The following SLC22A4 variants were observed in gnomAD, a reference collection of about 807,000 sequenced individuals.
SLC22A4 encodes solute carrier family 22 member 4.
Under a neutral mutation model 56.6 loss-of-function variants are expected in SLC22A4, and 39 were observed. The ratio of observed to expected loss-of-function variants is 0.69; its 90% CI spans 0.53 to 0.90. The LOEUF is 0.90. Ranked by LOEUF, SLC22A4 falls within the 40% of genes least tolerant of loss-of-function variation. SLC22A4 has a pLI of 0.00. For missense variants in SLC22A4, 594 were observed against 696.5 expected (o/e 0.85, Z 1.66); for synonymous variants, 241 against 281.4 (o/e 0.86, Z 1.44).
rs367688187 is a variant in SLC22A4, at chr5:132,294,469, G to C, written c.-148G>C. ...GCCTTCAGCCTGTTTCCCAGGAACGGTCCCCGGCTTCGCGCCCCAATTTCT... is the reference window on the plus strand; with the variant it reads ...GCCTTCAGCCTGTTTCCCAGGAACGCTCCCCGGCTTCGCGCCCCAATTTCT... On this transcript the variant is annotated 5_prime_UTR_variant, in exon 1 of 10. Transcript: ENST00000200652. The surrounding 1 kb of genome is among the most constrained non-coding windows in gnomAD (Gnocchi z 5.6). 48 of 1,111,006 alleles carry C rather than the reference G, an allele frequency of 4.3e-5. No individual in the cohort carries two copies. The highest frequency in any genetic ancestry group is 3.6e-4 in the East Asian group (14 of 39,292). The allele number at this position is 1,111,006 out of a possible 1,614,324, so 68.8% of individuals were successfully genotyped here. A position where few individuals can be genotyped will look rare whatever the true frequency, so the allele number is the denominator to read the frequency against.
intron 8 of SLC22A4, among the ~76,000 whole-genome samples, chr5:132,337,274 T>A (rs3991390): frequency 7.3e-6 from 1 of 136,454 alleles, no homozygotes; most frequent in Non-Finnish European, 1.6e-5. Context: ...ATTACCTTTT[T>A]TTTTTTTTTT....
intron 1 of SLC22A4, among the ~76,000 whole-genome samples, chr5:132,309,394 T>C (rs1750124174): frequency 6.6e-6 from 1 of 152,210 alleles, no homozygotes; most frequent in Non-Finnish European, 1.5e-5. Flanking sequence ...GCACCCCTCA[T>C]GGGCTTGGGG....
chr5:132,328,830 T>C (rs56408867), intron 5 of SLC22A4, among the ~76,000 whole-genome samples: 585 of 24,726 alleles, frequency 0.024, 2 homozygotes, highest in Middle Eastern at 0.037. Context: ...CCTTTATATA[T>C]ATATATATAC....
chr5:132,321,728 C>A (rs1407150418), intron 3 of SLC22A4, among the ~76,000 whole-genome samples: 2 of 151,988 alleles, frequency 1.3e-5, no homozygotes, highest in Middle Eastern at 3.4e-3. Context: ...GCCAACATGG[C>A]GAAACTCTGT....
chr5:132,307,096 G>C (rs1750058815), intron 1 of SLC22A4, among the ~76,000 whole-genome samples: 1 of 152,158 alleles, frequency 6.6e-6, no homozygotes. Context: ...AAGAGTAAAT[G>C]TTATGGTGTA....
At chr5:132,341,943 T>G (rs1267492071) in intron 9 of SLC22A4, among the ~76,000 whole-genome samples, 1 of 149,886 alleles carries the variant, frequency 6.7e-6, no homozygotes, top group Non-Finnish European at 1.5e-5. Context: ...CGAGACTCCG[T>G]CTCCAAAAAA....
chr5:132,329,918 T>A (rs1750806637), intron 5 of SLC22A4, among the ~76,000 whole-genome samples: 1 of 152,168 alleles, frequency 6.6e-6, no homozygotes, highest in Non-Finnish European at 1.5e-5. Flanking sequence ...GGGAGGAACC[T>A]GGCAACCTGC....
Position 132,294,450 on chromosome 5 carries a change from A to G in SLC22A4, c.-167A>G, listed in dbSNP as rs1429394624. On this transcript the variant is annotated 5_prime_UTR_variant, in exon 1 of 10. Transcript: ENST00000200652. The surrounding 1 kb of genome is among the most constrained non-coding windows in gnomAD (Gnocchi z 5.6). ...CTCCCGGGAACGCTCCAACGCCTTC[A>G]GCCTGTTTCCCAGGAACGGTCCCCG... 4 of 896,682 alleles carry G rather than the reference A, an allele frequency of 4.5e-6. No homozygotes were observed. Among genetic ancestry groups the G allele is most frequent in the Non-Finnish European group, 5.2e-6 (3 of 582,304 alleles). The allele number at this position is 896,682 out of a possible 1,614,324, so 55.5% of individuals were successfully genotyped here. A position where few individuals can be genotyped will look rare whatever the true frequency, so the allele number is the denominator to read the frequency against.
rs1750257363 is a variant in SLC22A4 at position 132,313,843 on chromosome 5, C to T, written c.652+75C>T. 3 of 1,455,716 alleles carry T rather than the reference C, an allele frequency of 2.1e-6. No homozygotes were observed. In the East Asian group the frequency reaches 6.8e-5, roughly 33 times the overall value. The allele number at this position is 1,455,716 out of a possible 1,614,324, so 90.2% of individuals were successfully genotyped here. On this transcript the variant is annotated intron_variant, in intron 3 of 9. Coordinates refer to ENST00000200652, the MANE Select transcript of SLC22A4 (RefSeq NM_003059.3). The stretch of plus-strand genomic sequence containing the variant: ...GGCCCAGAAAGAGGAAATCATTGGG[C>T]CATTGGGCTGTGCTTCCAAAGCCTT...
chr5:132,336,744 A>T (rs1465686280), intron 8 of SLC22A4, among the ~76,000 whole-genome samples: 3 of 152,180 alleles, frequency 2.0e-5, no homozygotes, highest in African/African-American at 7.2e-5. Flanking sequence ...AGATTCACAG[A>T]AGTAAAATTC....
At chr5:132,317,042 C>T (rs1253907805) in intron 3 of SLC22A4, among the ~76,000 whole-genome samples, 5 of 152,146 alleles carry the variant, frequency 3.3e-5, no homozygotes, top group Non-Finnish European at 7.4e-5. Context: ...CATGGTCTTT[C>T]CTCTGCGCAA....
intron 7 of SLC22A4, 80 bp downstream of exon 7, chr5:132,335,012 GT>G: frequency 1.1e-6 from 1 of 948,374 alleles, no homozygotes; most frequent in Non-Finnish European, 1.7e-6. Flanking sequence ...ACTGCTCCAT[GT>G]TTATTCAGCC....
intron 3 of SLC22A4, among the ~76,000 whole-genome samples, chr5:132,316,811 A>T (rs549442789): frequency 1.3e-4 from 20 of 152,228 alleles, no homozygotes; most frequent in African/African-American, 4.1e-4. Context: ...ATATATATAT[A>T]TTTTTTACTG....
rs946690215 is a variant in SLC22A4 at position 132,308,796 on chromosome 5, T to A, written c.394-3365T>A. ...GACATAGTAACCCCGGGAGGCCCCA[T>A]CAGAGGGGCAGGGAGAGGGGAGGTA... On this transcript the variant is annotated intron_variant, in intron 1 of 9. Transcript: ENST00000200652. 1.3e-5 allele frequency among the ~76,000 whole-genome samples: 2 copies of A among 152,268 alleles called. 1 individual carries two copies. Among genetic ancestry groups the A allele is most frequent in the Middle Eastern group, 6.8e-3 (2 of 294 alleles).
chr5:132,317,926 T>C (rs546777314), intron 3 of SLC22A4, among the ~76,000 whole-genome samples: 1 of 152,348 alleles, frequency 6.6e-6, no homozygotes, highest in African/African-American at 2.4e-5. Flanking sequence ...CATTGCACCG[T>C]AAGAGGGAAG....
chr5:132,339,475 T>TGTACACAC (rs142699650), intron 8 of SLC22A4, among the ~76,000 whole-genome samples: 3 of 146,638 alleles, frequency 2.0e-5, no homozygotes, highest in Non-Finnish European at 3.0e-5. Context: ...GGTACACACG[T>TGTACACAC]ACACACACAC....
At chr5:132,310,915 C>T (rs1750164202) in intron 1 of SLC22A4, among the ~76,000 whole-genome samples, 1 of 152,146 alleles carries the variant, frequency 6.6e-6, no homozygotes, top group African/African-American at 2.4e-5. Context: ...CAGGCAGGCC[C>T]GTGGACAGGA....
intron 8 of SLC22A4, among the ~76,000 whole-genome samples, chr5:132,338,498 G>A (rs757635588): frequency 2.6e-5 from 4 of 152,148 alleles, no homozygotes; most frequent in Admixed American, 2.0e-4. Flanking sequence ...TTTATTAGGT[G>A]GGAATTTCCT....
intron 1 of SLC22A4, among the ~76,000 whole-genome samples, chr5:132,298,037 G>A (rs59029588): frequency 6.4e-4 from 97 of 152,270 alleles, no homozygotes; most frequent in African/African-American, 2.3e-3. Flanking sequence ...CATTCCTAGT[G>A]GGAGTGTAAA....
Sources: allele counts gnomAD v4.1 joint callset (sites outside exome capture counted in the v4.1 genomes callset), GRCh38; gene constraint gnomAD v4.1.1; non-coding constraint Gnocchi (gnomAD v3.1); transcripts MANE v1.5; gene names NCBI Gene and HGNC (gene_info 2026-07-23, HGNC 2026-07-21).